The following SPATA13 variants were observed in gnomAD, a reference collection of about 807,000 sequenced individuals.
SPATA13 encodes the protein spermatogenesis associated 13, also known as spermatogenesis-associated protein 13.
A neutral mutation model predicts 104.0 loss-of-function variants in SPATA13; 50 were observed. The ratio of observed to expected loss-of-function variants is 0.48; its 90% CI spans 0.38 to 0.61. The LOEUF is 0.61. SPATA13 is among the 20% of genes least tolerant of loss of function. The pLI is 0.00. For synonymous variants in SPATA13, 606 were observed against 667.5 expected, an observed-to-expected ratio of 0.91 and a Z score of 1.42; for missense variants, 1,524 against 1,690.6, an observed-to-expected ratio of 0.90 and a Z score of 1.73.
intron 2 of SPATA13, among the ~76,000 whole-genome samples, chr13:24,226,229 C>T (rs1206563730): frequency 6.6e-6 from 1 of 152,214 alleles, no homozygotes; most frequent in Non-Finnish European, 1.5e-5. Context: ...TTCAGGCTGT[C>T]CCTGGCTTGA....
At chr13:24,053,269 G>T (rs9511022) in intron 3 of SPATA13, among the ~76,000 whole-genome samples, 6,515 of 152,194 alleles carry the variant, frequency 0.043, 192 homozygotes, top group East Asian at 0.11. Context: ...CGGCCTCAGT[G>T]CTGTGATCCA....
At chr13:24,239,268 TC>T (rs1484722237) in intron 2 of SPATA13, among the ~76,000 whole-genome samples, 1 of 152,184 alleles carries the variant, frequency 6.6e-6, no homozygotes, top group African/African-American at 2.4e-5. Context: ...ATGGCTGACT[TC>T]CTTATCTGAA....
chr13:24,199,097 C>G (rs1384571180), intron 1 of SPATA13, among the ~76,000 whole-genome samples: 1 of 151,994 alleles, frequency 6.6e-6, no homozygotes. Flanking sequence ...TCATGTTGCT[C>G]AGGCTGGTCT....
At chr13:24,228,058 G>T (rs866046546) in intron 2 of SPATA13, among the ~76,000 whole-genome samples, 18 of 148,626 alleles carry the variant, frequency 1.2e-4, no homozygotes, top group Non-Finnish European at 2.4e-4. Context: ...GCACCTGCCA[G>T]CATGCCCAGC....
At chr13:24,279,204 T>C (rs1875297065) in intron 4 of SPATA13, among the ~76,000 whole-genome samples, 1 of 151,648 alleles carries the variant, frequency 6.6e-6, no homozygotes, top group Admixed American at 6.6e-5. Flanking sequence ...ATGGTGAAGG[T>C]GAGAGAGGGA....
chr13:24,245,674 C>T (rs1873094751), intron 2 of SPATA13, among the ~76,000 whole-genome samples: 1 of 149,702 alleles, frequency 6.7e-6, no homozygotes, highest in Non-Finnish European at 1.5e-5. Flanking sequence ...TCACTGCAGC[C>T]TCCACCTCCT....
intron 3 of SPATA13, among the ~76,000 whole-genome samples, chr13:24,070,340 C>T (rs1879113352): frequency 6.6e-6 from 1 of 152,126 alleles, no homozygotes; most frequent in Admixed American, 6.5e-5. Context: ...TCCTTGCCTC[C>T]TCTGCCGCCC....
chr13:24,186,062 C>T (rs959694915), intron 1 of SPATA13, among the ~76,000 whole-genome samples: 1 of 152,172 alleles, frequency 6.6e-6, no homozygotes, highest in African/African-American at 2.4e-5. Context: ...ACTGATTTAA[C>T]TGTCAATCAC....
At chr13:24,248,229 G>A (rs997049843) in intron 2 of SPATA13, among the ~76,000 whole-genome samples, 6 of 152,202 alleles carry the variant, frequency 3.9e-5, no homozygotes, top group African/African-American at 1.4e-4. Flanking sequence ...GTTACTCCAT[G>A]GCCCAGCTTT....
chr13:24,047,965 G>T (rs908414899), intron 3 of SPATA13, among the ~76,000 whole-genome samples: 2 of 152,204 alleles, frequency 1.3e-5, no homozygotes, highest in African/African-American at 4.8e-5. Context: ...AACCAGGTGC[G>T]TCAATGTCTG....
chr13:24,269,741 A>ATT (rs71070673), intron 4 of SPATA13, among the ~76,000 whole-genome samples: 2,696 of 75,932 alleles, frequency 0.036, 218 homozygotes, highest in Non-Finnish European at 0.042. Context: ...GCTAATATAA[A>ATT]TTTTTTTTTT....
chr13:24,299,332 T>C lies in SPATA13; in HGVS notation c.3584-1069T>C, dbSNP rs148946244. Among the ~76,000 whole-genome samples, 76 of 152,328 alleles carry C rather than the reference T, an allele frequency of 5.0e-4. 1 individual carries two copies. In the East Asian group the frequency reaches 0.012, roughly 25 times the overall value. ...TGTGGCCAGTGCTCAGAGATGCAAG[T>C]GCATGACTGAGGCACTCCTGAGCCA... is the stretch of plus-strand genomic sequence containing the variant. On this transcript the variant is annotated intron_variant, in intron 11 of 12. Transcript: ENST00000382108.
rs11353469 is a variant in SPATA13, at chr13:24,072,825, CTT to C, written c.-112+55141_-112+55142del. On this transcript the variant is annotated intron_variant, in intron 3 of 14. Transcript: ENST00000424834. ...CCTCCTCAGTGTCTACTGTTGGCTC[CTT>C]TTTTTTTTTTTTTTTTACATCCCCT... Among the ~76,000 whole-genome samples, 621 of 120,634 alleles carry C rather than the reference CTT, an allele frequency of 5.1e-3. 7 individuals are homozygous for C. Among genetic ancestry groups the C allele is most frequent in the Non-Finnish European group, 6.1e-3 (364 of 59,320 alleles). 79.1% of individuals were successfully genotyped at this position (120,634 alleles called of 152,430 possible).
intron 3 of SPATA13, among the ~76,000 whole-genome samples, chr13:24,082,336 A>G (rs1879549122): frequency 6.6e-6 from 1 of 152,216 alleles, no homozygotes; most frequent in Non-Finnish European, 1.5e-5. Flanking sequence ...TGAAAGGCAT[A>G]TATTAACAAA....
intron 3 of SPATA13, among the ~76,000 whole-genome samples, chr13:24,131,011 G>A (rs964181708): frequency 5.3e-5 from 8 of 152,262 alleles, no homozygotes; most frequent in Admixed American, 2.6e-4. Flanking sequence ...ACTTGCCTTC[G>A]TGTGAGTCTC....
At chr13:24,190,022 TA>T (rs1480277478) in intron 1 of SPATA13, among the ~76,000 whole-genome samples, 9 of 89,426 alleles carry the variant, frequency 1.0e-4, no homozygotes, top group African/African-American at 5.8e-4. Flanking sequence ...TTATATAACA[TA>T]ATGATATACA....
At chr13:24,027,708 A>G (rs1877292743) in intron 3 of SPATA13, among the ~76,000 whole-genome samples, 1 of 152,188 alleles carries the variant, frequency 6.6e-6, no homozygotes, top group Admixed American at 6.5e-5. Context: ...TTGGTCAGGT[A>G]ACTTAACTTC....
At chr13:24,137,588 C>T (rs1881615924) in intron 3 of SPATA13, among the ~76,000 whole-genome samples, 3 of 152,052 alleles carry the variant, frequency 2.0e-5, no homozygotes, top group Non-Finnish European at 4.4e-5. Flanking sequence ...GGTGAAACCC[C>T]ACCACTACAA....
chr13:24,130,313 C>T (rs1375905244), intron 3 of SPATA13, among the ~76,000 whole-genome samples: 3 of 152,164 alleles, frequency 2.0e-5, no homozygotes, highest in African/African-American at 7.2e-5. Flanking sequence ...TTCTCGTTCC[C>T]AGTGTGAGCT....
Sources: allele counts gnomAD v4.1 joint callset (sites outside exome capture counted in the v4.1 genomes callset), GRCh38; gene constraint gnomAD v4.1.1; transcripts MANE v1.5; gene names NCBI Gene and HGNC (gene_info 2026-07-23, HGNC 2026-07-21).